The following KCNN2 variants were observed in gnomAD, a reference collection of about 807,000 sequenced individuals.
The protein encoded by KCNN2 is small conductance calcium-activated potassium channel protein 2.
Under a neutral mutation model 55.5 loss-of-function variants are expected in KCNN2, and 24 were observed. The ratio of observed to expected loss-of-function variants is 0.43; its 90% CI spans 0.31 to 0.61. The LOEUF is 0.61. Ranked by LOEUF, KCNN2 falls within the 20% of genes least tolerant of loss-of-function variation. KCNN2 has a pLI of 0.08. For synonymous variants in KCNN2, 431 were observed against 336.1 expected (o/e 1.28, Z -3.09); for missense variants, 754 against 853.6 (o/e 0.88, Z 1.45).
At chr5:114,366,563 T>C (rs1757608081) in intron 2 of KCNN2, among the ~76,000 whole-genome samples, 1 of 152,112 alleles carries the variant, frequency 6.6e-6, no homozygotes, top group Admixed American at 6.5e-5. Context: ...GAACTGGAAG[T>C]CAAGAACCAG....
chr5:114,447,198 C>T (rs1456192274), intron 3 of KCNN2, among the ~76,000 whole-genome samples: 1 of 152,190 alleles, frequency 6.6e-6, no homozygotes, highest in East Asian at 1.9e-4. Flanking sequence ...TCCTCTAGAG[C>T]ACCCCTGTGG....
intron 1 of KCNN2, among the ~76,000 whole-genome samples, chr5:114,144,744 G>A (rs1752362066): frequency 6.7e-6 from 1 of 149,022 alleles, no homozygotes; most frequent in African/African-American, 2.5e-5. Context: ...CAACTTTTAA[G>A]TAGTATAGTT....
intron 1 of KCNN2, among the ~76,000 whole-genome samples, chr5:114,160,169 C>T (rs1752738611): frequency 6.6e-6 from 1 of 152,144 alleles, no homozygotes; most frequent in Non-Finnish European, 1.5e-5. Flanking sequence ...CTACATACTG[C>T]TTAGAATGTG....
intron 1 of KCNN2, among the ~76,000 whole-genome samples, chr5:114,152,511 G>A (rs896704311): frequency 6.6e-6 from 1 of 152,138 alleles, no homozygotes; most frequent in Non-Finnish European, 1.5e-5. Context: ...TATTTGAAGG[G>A]TGTTTTATTT....
intron 2 of KCNN2, among the ~76,000 whole-genome samples, chr5:114,280,356 T>C (rs1755598763): frequency 6.6e-6 from 1 of 152,206 alleles, no homozygotes; most frequent in African/African-American, 2.4e-5. Flanking sequence ...TTTGGTGTTT[T>C]AGTCAAGAAG....
At chr5:114,094,559 C>G (rs1751217786) in intron 1 of KCNN2, among the ~76,000 whole-genome samples, 1 of 152,166 alleles carries the variant, frequency 6.6e-6, no homozygotes, top group African/African-American at 2.4e-5. Context: ...AAAACTACTT[C>G]CATGCTTTGT....
At chr5:114,308,742 C>T (rs892188535) in intron 2 of KCNN2, among the ~76,000 whole-genome samples, 1 of 151,986 alleles carries the variant, frequency 6.6e-6, no homozygotes, top group Non-Finnish European at 1.5e-5. Flanking sequence ...CCAAGAGAGC[C>T]CGCAGCTAAT....
intron 1 of KCNN2, among the ~76,000 whole-genome samples, chr5:114,087,046 GT>G (rs933396537): frequency 6.6e-6 from 1 of 151,858 alleles, no homozygotes; most frequent in Non-Finnish European, 1.5e-5. Context: ...GATGAGGAGC[GT>G]TTTTTCATTT....
chr5:114,453,172 CTG>C (rs1760768924), intron 3 of KCNN2, among the ~76,000 whole-genome samples: 1 of 152,174 alleles, frequency 6.6e-6, no homozygotes, highest in African/African-American at 2.4e-5. Context: ...GGGAGTCACT[CTG>C]TGTCCCAGGT....
chr5:114,340,733 T>C (rs1757001921), intron 2 of KCNN2, among the ~76,000 whole-genome samples: 1 of 151,994 alleles, frequency 6.6e-6, no homozygotes, highest in African/African-American at 2.4e-5. Flanking sequence ...AAACTTCAAG[T>C]ACACTATACA....
chr5:114,079,364 C>A (rs1351410480), intron 1 of KCNN2, among the ~76,000 whole-genome samples: 1 of 152,092 alleles, frequency 6.6e-6, no homozygotes, highest in Non-Finnish European at 1.5e-5. Flanking sequence ...AAATAGACAT[C>A]AGTTATTCTA....
At position 114,293,293 on chromosome 5, in the gene KCNN2, G is replaced by C. The variant is rs1413649427; in HGVS notation, c.-184-67652G>C. Among the ~76,000 whole-genome samples, 9 of 152,200 alleles carry C rather than the reference G, an allele frequency of 5.9e-5. 1 individual carries two copies. In the East Asian group the frequency reaches 1.6e-3, roughly 26 times the overall value. ...CCAGTTTTCAAAGGGAATGCTTCCA[G>C]TTTTTGCCCATTCAGTATGATATTG... On this transcript the variant is annotated intron_variant, in intron 2 of 10. Coordinates refer to the KCNN2 transcript ENST00000512097.
At chr5:114,399,267 T>C (rs1028285517) in intron 2 of KCNN2, among the ~76,000 whole-genome samples, 1 of 152,238 alleles carries the variant, frequency 6.6e-6, no homozygotes, top group Non-Finnish European at 1.5e-5. Context: ...TGTTGAGTTT[T>C]ACCAAAAGCC....
intron 3 of KCNN2, among the ~76,000 whole-genome samples, chr5:114,409,517 A>G (rs922329009): frequency 1.3e-5 from 2 of 152,194 alleles, no homozygotes; most frequent in Non-Finnish European, 2.9e-5. Flanking sequence ...GAATCCTACC[A>G]GTTCCATCTT....
chr5:114,130,192 A>G (rs1752042932), intron 1 of KCNN2, among the ~76,000 whole-genome samples: 1 of 152,068 alleles, frequency 6.6e-6, no homozygotes, highest in African/African-American at 2.4e-5. Flanking sequence ...TTTACAAGCT[A>G]TTTATTTTTT....
Position 114,241,762 on chromosome 5 carries a change from ACG to A in KCNN2, c.-185+20198_-185+20199del, listed in dbSNP as rs1491498456. Among the ~76,000 whole-genome samples, 44 of 19,772 alleles carry A rather than the reference ACG, an allele frequency of 2.2e-3. 5 individuals carry two copies. The highest frequency in any genetic ancestry group is 5.9e-3 in the African/African-American group (23 of 3,916). 13.0% of individuals were successfully genotyped at this position (19,772 alleles called of 152,430 possible). On this transcript the variant is annotated intron_variant, in intron 2 of 10. Coordinates refer to the KCNN2 transcript ENST00000512097. ...TATACGTATATATATGTATATATAT[ACG>A]TATATATATACATATATACGTATAT...
chr5:114,309,125 A>G (rs1195932538), intron 2 of KCNN2, among the ~76,000 whole-genome samples: 1 of 152,166 alleles, frequency 6.6e-6, no homozygotes, highest in Non-Finnish European at 1.5e-5. Context: ...GATCTATTTA[A>G]TTTGAAGACT....
At chr5:114,184,865 A>G (rs1753300754) in intron 1 of KCNN2, among the ~76,000 whole-genome samples, 1 of 152,230 alleles carries the variant, frequency 6.6e-6, no homozygotes. Flanking sequence ...TAGGTACAGT[A>G]TCACTAAGTA....
chr5:114,079,440 G>A (rs2632137), intron 1 of KCNN2, among the ~76,000 whole-genome samples: 6,408 of 152,196 alleles, frequency 0.042, 444 homozygotes, highest in African/African-American at 0.14. Flanking sequence ...ACATAGCAGA[G>A]TAGAAATAGC....
Sources: gnomAD v4.1 joint callset for allele counts (sites outside exome capture counted in the v4.1 genomes callset) on GRCh38, gnomAD v4.1.1 for gene constraint, MANE v1.5 for transcripts, NCBI Gene and HGNC (gene_info 2026-07-23, HGNC 2026-07-21) for gene names.